The following PPEF1 variants were observed in gnomAD, a reference collection of about 807,000 sequenced individuals.
PPEF1 encodes protein phosphatase with EF-hand domain 1.
Under a neutral mutation model 53.3 loss-of-function variants are expected in PPEF1, and 12 were observed. That is an observed-to-expected ratio of 0.23 (90% confidence interval 0.14 to 0.36). The LOEUF is 0.36. Among genes scored for constraint, PPEF1 ranks in the 10% least tolerant of loss-of-function variants. The pLI is 1.00. For missense variants in PPEF1, 334 were observed against 490.4 expected (o/e 0.68, Z 3.01); for synonymous variants, 165 against 176.7 (o/e 0.93, Z 0.52).
intron 4 of PPEF1, among the ~76,000 whole-genome samples, chrX:18,752,619 T>C (rs2045468139): frequency 9.0e-6 from 1 of 111,219 alleles, no homozygotes; most frequent in African/African-American, 3.3e-5. Context: ...AGTTTAATGT[T>C]AGTTGTAGGT....
intron 6 of PPEF1, among the ~76,000 whole-genome samples, chrX:18,761,883 G>A (rs1025113586): frequency 2.7e-5 from 3 of 111,202 alleles, no homozygotes; most frequent in Non-Finnish European, 5.7e-5. Flanking sequence ...GTACAGGATG[G>A]GGAGGGATGC....
chrX:18,821,808 C>A lies in PPEF1; in HGVS notation c.1502-2115C>A, dbSNP rs1441000479. On this transcript the variant is annotated intron_variant, in intron 13 of 15. Transcript: ENST00000470157. ...GAGAGAGAGAGAGAGAGAGAGAAAACAAATAACCAGTGCAAGTGTAGGGAG... is the reference window on the plus strand; with the variant it reads ...GAGAGAGAGAGAGAGAGAGAGAAAAAAAATAACCAGTGCAAGTGTAGGGAG... Among the ~76,000 whole-genome samples, 74 of 74,850 alleles carry A rather than the reference C, an allele frequency of 9.9e-4. 1 individual carries two copies. Among genetic ancestry groups the A allele is most frequent in the African/African-American group, 2.1e-3 (44 of 20,562 alleles). 65.0% of individuals were successfully genotyped at this position (74,850 alleles called of 115,157 possible).
chrX:18,823,619 C>G (rs1333066137), intron 13 of PPEF1, among the ~76,000 whole-genome samples: 1 of 106,129 alleles, frequency 9.4e-6, no homozygotes, highest in Non-Finnish European at 1.9e-5. Context: ...AAGAGCCAGA[C>G]TCCTTCTCAA....
At chrX:18,787,260 AC>A (rs2046224245) in intron 9 of PPEF1, among the ~76,000 whole-genome samples, 1 of 110,939 alleles carries the variant, frequency 9.0e-6, no homozygotes, top group Non-Finnish European at 1.9e-5. Context: ...TTCCTGGTTT[AC>A]ACCTGCGGTC....
chrX:18,706,814 C>T (rs1487602982), upstream of PPEF1, among the ~76,000 whole-genome samples: 1 of 97,883 alleles, frequency 1.0e-5, no homozygotes, highest in Non-Finnish European at 2.1e-5. Flanking sequence ...AGGTTTCAAA[C>T]CTCCTTTTTT....
At chrX:18,703,998 G>A (rs6629289), upstream of PPEF1, among the ~76,000 whole-genome samples, 43,682 of 100,620 alleles carry the variant, frequency 0.43, 8,158 homozygotes, top group Non-Finnish European at 0.56. Context: ...ATCACGGCTC[G>A]CTGCATCCTT....
At chrX:18,782,533 A>G in intron 8 of PPEF1, 131 bp downstream of exon 8, 1 of 463,356 alleles carries the variant, frequency 2.2e-6, no homozygotes, top group Non-Finnish European at 3.6e-6. Context: ...AATGCATGCC[A>G]ATAAAATACA....
chrX:18,751,200 T>TTCTTGGTTGCTTGTGCTTTTGGTG (rs1427734028), intron 4 of PPEF1, among the ~76,000 whole-genome samples: 1 of 112,021 alleles, frequency 8.9e-6, no homozygotes, highest in African/African-American at 3.2e-5. Context: ...TCCATGTTTT[T>TTCTTGGTTGCTTGTGCTTTTGGTG]TCTTGGTTGC....
At chrX:18,754,107 C>T (rs1431442229) in intron 4 of PPEF1, among the ~76,000 whole-genome samples, 1 of 110,329 alleles carries the variant, frequency 9.1e-6, no homozygotes, top group Non-Finnish European at 1.9e-5. Context: ...TGCAGATTGG[C>T]TCTCTGTTGG....
At chrX:18,757,166 A>G (rs1417642651) in intron 4 of PPEF1, among the ~76,000 whole-genome samples, 2 of 111,805 alleles carry the variant, frequency 1.8e-5, no homozygotes, top group African/African-American at 3.2e-5. Context: ...AGTGGCTGCC[A>G]TATTGGACAG....
intron 10 of PPEF1, among the ~76,000 whole-genome samples, chrX:18,803,080 G>C (rs2046579869): frequency 8.9e-6 from 1 of 112,082 alleles, no homozygotes; most frequent in Non-Finnish European, 1.9e-5. Flanking sequence ...AGAGCTGAGA[G>C]CCCCAAACAC....
At chrX:18,709,133 T>C (rs2044265988) in intron 1 of PPEF1, among the ~76,000 whole-genome samples, 1 of 112,452 alleles carries the variant, frequency 8.9e-6, no homozygotes, top group Non-Finnish European at 1.9e-5. Context: ...AAATTAGCCA[T>C]TGTCAAGTGA....
intron 12 of PPEF1, among the ~76,000 whole-genome samples, chrX:18,808,337 T>G (rs1261143343): frequency 9.0e-6 from 1 of 110,829 alleles, no homozygotes; most frequent in Non-Finnish European, 1.9e-5. Context: ...CCTAAAAATT[T>G]TATCATGAAC....
intron 5 of PPEF1, among the ~76,000 whole-genome samples, chrX:18,698,995 A>G (rs1024814691): frequency 1.8e-5 from 2 of 112,080 alleles, no homozygotes; most frequent in African/African-American, 6.5e-5. Context: ...TGACATTGGA[A>G]CAACTGTATC....
intron 3 of PPEF1, among the ~76,000 whole-genome samples, chrX:18,743,634 G>A (rs1239725839): frequency 9.3e-6 from 1 of 108,047 alleles, no homozygotes; most frequent in East Asian, 2.9e-4. Context: ...ATTTTTAGTA[G>A]AAATGGGTTT....
At chrX:18,725,709 G>A (rs1231891811) in intron 1 of PPEF1, among the ~76,000 whole-genome samples, 1 of 111,809 alleles carries the variant, frequency 8.9e-6, no homozygotes, top group Non-Finnish European at 1.9e-5. Flanking sequence ...AGTGGCATGT[G>A]TGCTCGGGTA....
chrX:18,779,847 G>C (rs1007291864), intron 7 of PPEF1, among the ~76,000 whole-genome samples: 5 of 111,744 alleles, frequency 4.5e-5, no homozygotes, highest in African/African-American at 1.6e-4. Flanking sequence ...GACAGTGGAA[G>C]ATATGGCATG....
At position 18,716,083 on chromosome X, in the gene PPEF1, C is replaced by T. The variant is rs747037719; in HGVS notation, c.46+8257C>T. On this transcript the variant is annotated intron_variant, in intron 1 of 15. Coordinates refer to ENST00000470157, the MANE Select transcript of PPEF1 (RefSeq NM_001377996.1). Reference sequence around the variant, plus strand: ...GCTTTTTTGGCTTTGTGGTTTGATGCGTAAGCTGTGACAAATAGAAGTTTC... The same window carrying T: ...GCTTTTTTGGCTTTGTGGTTTGATGTGTAAGCTGTGACAAATAGAAGTTTC... Among the ~76,000 whole-genome samples, 5 of 111,656 alleles carry T rather than the reference C, an allele frequency of 4.5e-5. No individual in the cohort carries two copies. In the South Asian group the frequency reaches 1.1e-3, roughly 25 times the overall value.
chrX:18,702,594 G>C lies in PPEF1; in HGVS notation c.-123+2159G>C, dbSNP rs757487099. 3.7e-5 allele frequency among the ~76,000 whole-genome samples: 4 copies of C among 107,972 alleles called. No individual in the cohort carries two copies. The South Asian group carries it at 1.7e-3, about 45-fold the overall frequency. 93.8% of individuals were successfully genotyped at this position (107,972 alleles called of 115,157 possible). Reference sequence around the variant, plus strand: ...TAGTGGTTGGAGGGTGCTTGGTGGCGAACGTTAGTTTGTCCCCACGGCCTG... The same window carrying C: ...TAGTGGTTGGAGGGTGCTTGGTGGCCAACGTTAGTTTGTCCCCACGGCCTG... On this transcript the variant is annotated intron_variant, in intron 6 of 21. Coordinates refer to the PPEF1 transcript ENST00000361511.
Sources: gnomAD v4.1 joint callset for allele counts (sites outside exome capture counted in the v4.1 genomes callset) on GRCh38, gnomAD v4.1.1 for gene constraint, MANE v1.5 for transcripts, NCBI Gene and HGNC (gene_info 2026-07-23, HGNC 2026-07-21) for gene names.